Variants in SLC35F4 observed in about 807,000 individuals in gnomAD.
The protein encoded by SLC35F4 is solute carrier family 35 member F4, also known as chromosome 14 open reading frame 36.
A neutral mutation model predicts 44.2 loss-of-function variants in SLC35F4; 24 were observed. That is an observed-to-expected ratio of 0.54 (90% CI 0.39 to 0.76). The LOEUF (loss-of-function observed/expected upper bound fraction) is 0.76, where lower values mean the gene tolerates loss of function less well. SLC35F4 is among the 30% of genes least tolerant of loss of function. The probability of loss-of-function intolerance (pLI) is 0.00; values close to 1 mark genes in which losing one functional copy is unlikely to be tolerated. For missense variants in SLC35F4, 562 were observed against 586.1 expected (o/e 0.96, Z 0.42); for synonymous variants, 238 against 223.6 (o/e 1.06, Z -0.57).
At chr14:57,851,862 T>C (rs751861750) in intron 1 of SLC35F4, among the ~76,000 whole-genome samples, 33 of 152,216 alleles carry the variant, frequency 2.2e-4, no homozygotes, top group Non-Finnish European at 4.0e-4. Flanking sequence ...GGAAGCTGAG[T>C]GAGGGGTTAC....
In SLC35F4 at chr14:57,745,431, A is replaced by G. The variant is rs1272276744; in HGVS notation, c.103+120292T>C. ...ATCAAAAAGTCCACAAAGGATGTGA[A>G]CAGACACTTTTCAAAAGAAGACATT... On this transcript the variant is annotated intron_variant, in intron 1 of 7. Transcript: ENST00000556826. Among the ~76,000 whole-genome samples the G allele has an allele frequency of 2.0e-5, 3 of 152,384 alleles. No individual in the cohort carries two copies. In the South Asian group the frequency reaches 6.2e-4, roughly 32 times the overall value.
chr14:57,799,046 T>C (rs757395458), intron 1 of SLC35F4, among the ~76,000 whole-genome samples: 1 of 152,194 alleles, frequency 6.6e-6, no homozygotes, highest in Non-Finnish European at 1.5e-5. Context: ...GCAGCTGCGG[T>C]CCTCAGCGCT....
intron 1 of SLC35F4, among the ~76,000 whole-genome samples, chr14:57,913,491 C>A (rs187536290): frequency 3.7e-3 from 563 of 152,132 alleles, no homozygotes; most frequent in Non-Finnish European, 6.5e-3. Flanking sequence ...ACATTTACAA[C>A]TAATCTAAGT....
At chr14:57,837,940 G>A (rs144131237) in intron 1 of SLC35F4, among the ~76,000 whole-genome samples, 73 of 152,130 alleles carry the variant, frequency 4.8e-4, no homozygotes, top group African/African-American at 1.5e-3. Flanking sequence ...ATGCTTTTCC[G>A]TTTTATGGTT....
At chr14:57,663,535 G>C (rs1460386188) in intron 1 of SLC35F4, among the ~76,000 whole-genome samples, 1 of 152,130 alleles carries the variant, frequency 6.6e-6, no homozygotes, top group Non-Finnish European at 1.5e-5. Context: ...CACCAAACAA[G>C]AGATTTGTCT....
chr14:57,768,031 A>G (rs530687769), intron 1 of SLC35F4, among the ~76,000 whole-genome samples: 1 of 152,322 alleles, frequency 6.6e-6, no homozygotes, highest in Non-Finnish European at 1.5e-5. Context: ...TGGAAAAGAA[A>G]GTTTTAGGTT....
At chr14:57,839,261 T>C (rs1464068829) in intron 1 of SLC35F4, among the ~76,000 whole-genome samples, 1 of 152,190 alleles carries the variant, frequency 6.6e-6, no homozygotes, top group Non-Finnish European at 1.5e-5. Context: ...AAAACTCCAC[T>C]CCTTCTTCAC....
chr14:57,810,765 A>G (rs1203838311), intron 1 of SLC35F4, among the ~76,000 whole-genome samples: 3 of 152,256 alleles, frequency 2.0e-5, no homozygotes, highest in Non-Finnish European at 2.9e-5. Context: ...TCTGAATTGC[A>G]CAAGTCTTAG....
intron 1 of SLC35F4, among the ~76,000 whole-genome samples, chr14:57,751,150 C>A (rs759412927): frequency 6.6e-6 from 1 of 152,074 alleles, no homozygotes; most frequent in Non-Finnish European, 1.5e-5. Flanking sequence ...ATAATTATCC[C>A]CATTTTCCAT....
chr14:57,735,326 C>T (rs2076436453), intron 1 of SLC35F4, among the ~76,000 whole-genome samples: 3 of 152,158 alleles, frequency 2.0e-5, no homozygotes, highest in Non-Finnish European at 4.4e-5. Flanking sequence ...ACAAGTCAGC[C>T]CTAATTTGTT....
chr14:57,788,230 T>A (rs1191753696), intron 1 of SLC35F4, among the ~76,000 whole-genome samples: 1 of 152,056 alleles, frequency 6.6e-6, no homozygotes, highest in African/African-American at 2.4e-5. Context: ...ATCCTAAACA[T>A]ATGTGCACCT....
chr14:57,682,088 G>A (rs184337280), intron 1 of SLC35F4, among the ~76,000 whole-genome samples: 20 of 152,282 alleles, frequency 1.3e-4, no homozygotes, highest in African/African-American at 3.4e-4. Flanking sequence ...ACAGTGTGGC[G>A]ATTCCTCAAG....
intron 1 of SLC35F4, among the ~76,000 whole-genome samples, chr14:57,819,875 T>C (rs1229039426): frequency 6.6e-6 from 1 of 151,880 alleles, no homozygotes; most frequent in Non-Finnish European, 1.5e-5. Context: ...CAAGGCTTCT[T>C]ATAAATCTAC....
At chr14:57,833,428 A>G (rs1456047665) in intron 1 of SLC35F4, among the ~76,000 whole-genome samples, 1 of 152,222 alleles carries the variant, frequency 6.6e-6, no homozygotes, top group African/African-American at 2.4e-5. Flanking sequence ...AGCCATCGGT[A>G]TGTTGTAAAA....
At chr14:57,825,110 T>G (rs1029546375) in intron 1 of SLC35F4, among the ~76,000 whole-genome samples, 1 of 151,960 alleles carries the variant, frequency 6.6e-6, no homozygotes. Context: ...TGTGGAGGAT[T>G]TGGAGGTGGG....
At chr14:57,727,578 G>T in intron 1 of SLC35F4, among the ~76,000 whole-genome samples, 1 of 150,662 alleles carries the variant, frequency 6.6e-6, no homozygotes. Flanking sequence ...CATAGGTTTT[G>T]GTATGTGGTG....
At chr14:57,949,618 G>A (rs60034935) in intron 1 of SLC35F4, among the ~76,000 whole-genome samples, 11,398 of 152,110 alleles carry the variant, frequency 0.075, 523 homozygotes, top group Middle Eastern at 0.13. Context: ...TGTTTTATAG[G>A]TTCTGTGAGA....
intron 1 of SLC35F4, among the ~76,000 whole-genome samples, chr14:57,676,420 G>C (rs923075842): frequency 2.0e-5 from 3 of 152,050 alleles, no homozygotes; most frequent in Non-Finnish European, 2.9e-5. Context: ...ACTGGGGCCT[G>C]TCATGGGGAT....
chr14:57,572,132 T>G (rs45500698), intron 4 of SLC35F4, 113 bp from the exon 5 acceptor site: 72,001 of 1,229,732 alleles, frequency 0.059, 2,328 homozygotes, highest in African/African-American at 0.069. Flanking sequence ...TAATTACCTT[T>G]TGTACATCAC....
Sources: gnomAD v4.1 joint callset for allele counts (sites outside exome capture counted in the v4.1 genomes callset) on GRCh38, gnomAD v4.1.1 for gene constraint, MANE v1.5 for transcripts, NCBI Gene and HGNC (gene_info 2026-07-23, HGNC 2026-07-21) for gene names.